MCM10: variants seen among roughly 807,000 people sequenced by gnomAD.
MCM10 encodes the protein protein MCM10 homolog.
A neutral mutation model predicts 109.9 loss-of-function variants in MCM10; 91 were observed. The ratio of observed to expected loss-of-function variants is 0.83; its 90% CI spans 0.70 to 0.99. The LOEUF (loss-of-function observed/expected upper bound fraction) is 0.99, where lower values mean the gene tolerates loss of function less well. Ranked by LOEUF, MCM10 falls within the 50% of genes least tolerant of loss-of-function variation. The pLI is 0.00. For synonymous variants in MCM10, 380 were observed against 387.2 expected, an observed-to-expected ratio of 0.98 and a Z score of 0.22; for missense variants, 1,077 against 1,061.2, an observed-to-expected ratio of 1.01 and a Z score of -0.21.
chr10:13,177,028 T>A (rs72779587), intron 6 of MCM10, among the ~76,000 whole-genome samples: 4,425 of 152,346 alleles, frequency 0.029, 94 homozygotes, highest in Non-Finnish European at 0.05. Context: ...TTGAGGGGGC[T>A]GCAGGCTTCC....
chr10:13,162,384 CTGATT>C (rs917622070), intron 1 of MCM10, among the ~76,000 whole-genome samples: 1 of 152,154 alleles, frequency 6.6e-6, no homozygotes, highest in South Asian at 2.1e-4. Flanking sequence ...CCCCCATGAT[CTGATT>C]TATGTTCCTA....
At chr10:13,161,744 G>A (rs1483335151) in intron 1 of MCM10, 138 bp downstream of exon 1, 1 of 152,626 alleles carries the variant, frequency 6.6e-6, no homozygotes, top group East Asian at 1.9e-4. Context: ...GCGCGATCTG[G>A]ATTTGGCGGC....
At chr10:13,179,186 C>G (rs771401568) in intron 6 of MCM10, among the ~76,000 whole-genome samples, 1 of 152,076 alleles carries the variant, frequency 6.6e-6, no homozygotes, top group South Asian at 2.1e-4. Flanking sequence ...AATTTGGATG[C>G]CCTTTATTTC....
Position 13,175,757 on chromosome 10 carries a change from G to A in MCM10, c.764+76G>A, listed in dbSNP as rs903367138. On this transcript the variant is annotated intron_variant, in intron 6 of 19. Transcript: ENST00000378714. Reference sequence around the variant, plus strand: ...CCTCTCGGAGTCCTTTAGAAGTAGTGTGTTTATACATCAGGATCCACAAAA... The same window carrying A: ...CCTCTCGGAGTCCTTTAGAAGTAGTATGTTTATACATCAGGATCCACAAAA... 7 of 1,016,996 alleles carry A rather than the reference G, an allele frequency of 6.9e-6. No homozygotes were observed. In the African/African-American group the frequency reaches 1.1e-4, roughly 16 times the overall value. 63.0% of individuals were successfully genotyped at this position (1,016,996 alleles called of 1,614,324 possible).
At chr10:13,205,859 C>T (rs113942883) in intron 18 of MCM10, among the ~76,000 whole-genome samples, 1,664 of 152,218 alleles carry the variant, frequency 0.011, 30 homozygotes, top group African/African-American at 0.037. Context: ...CTTTTGGGGG[C>T]AACATCAGAT....
Position 13,172,141 on chromosome 10 carries a change from A to G in MCM10, c.350-235A>G, listed in dbSNP as rs934131552. ...TTTATTTGATATCTCTTAATAGTAAAGATTTATAACTAGTTTGATTATTGG... is the reference window on the plus strand; with the variant it reads ...TTTATTTGATATCTCTTAATAGTAAGGATTTATAACTAGTTTGATTATTGG... On this transcript the variant is annotated intron_variant, in intron 3 of 19. Transcript: ENST00000378714. The surrounding 1 kb of genome is among the most constrained non-coding windows in gnomAD (Gnocchi z 5.2). Among the ~76,000 whole-genome samples, 1 of 152,104 alleles carries G rather than the reference A, an allele frequency of 6.6e-6. No homozygotes were observed. Among genetic ancestry groups the G allele is most frequent in the Admixed American group, 6.6e-5 (1 of 15,262 alleles).
chr10:13,207,357 T>TC (rs1025522328), intron 18 of MCM10, among the ~76,000 whole-genome samples: 7 of 152,334 alleles, frequency 4.6e-5, no homozygotes, highest in East Asian at 1.9e-4. Context: ...ATTTTTTTTT[T>TC]CTCACAATTT....
chr10:13,183,781 C>T (rs1002235322), intron 8 of MCM10, among the ~76,000 whole-genome samples: 7 of 151,888 alleles, frequency 4.6e-5, no homozygotes, highest in Admixed American at 2.6e-4. Flanking sequence ...GTCTCCTGGG[C>T]GTAAGTGATA....
chr10:13,170,688 T>C (rs911494149), intron 2 of MCM10, among the ~76,000 whole-genome samples: 4 of 150,278 alleles, frequency 2.7e-5, no homozygotes, highest in Admixed American at 6.6e-5. Context: ...TTTTGTTTGT[T>C]TGTTTGTTTG....
At chr10:13,202,816 A>T (rs774055118) in intron 17 of MCM10, among the ~76,000 whole-genome samples, 1 of 152,046 alleles carries the variant, frequency 6.6e-6, no homozygotes, top group South Asian at 2.1e-4. Context: ...GCCTAACACA[A>T]TGCACATTTA....
In MCM10 at chr10:13,170,994, A is replaced by G; in HGVS notation, c.80A>G (p.Glu27Gly). Residue 27 changes from glutamate (E) to glycine (G), a missense_variant, in exon 3 of 20, where the codon GAA becomes GGA. Coordinates refer to ENST00000378714, the MANE Select transcript of MCM10 (RefSeq NM_018518.5). ...ENESALDCNS[E>G]ENNFLTRENG... is the part of the protein sequence containing the mutation. ...GAGTCAGCCTTGGATTGTAATTCAG[A>G]AGAAAATAACTTCTTGACGCGGGAA... The G allele has an allele frequency of 6.2e-7, 1 of 1,614,232 alleles. No individual in the cohort carries two copies. Among genetic ancestry groups the G allele is most frequent in the Non-Finnish European group, 8.5e-7 (1 of 1,180,046 alleles).
In MCM10 at chr10:13,195,096, C is replaced by T. The variant is rs757380949; in HGVS notation, c.1801C>T (p.Gln601Ter). 4 of 1,614,076 alleles carry T rather than the reference C, an allele frequency of 2.5e-6. No individual in the cohort carries two copies. In the Admixed American group the frequency reaches 5.0e-5, roughly 20 times the overall value. The change falls in exon 14 of 20, where the codon CAG (glutamine) becomes TAG (stop). Residue 601 changes from glutamine to a stop codon, truncating the protein, a stop_gained. Coordinates refer to ENST00000378714, the MANE Select transcript of MCM10 (RefSeq NM_018518.5). LOFTEE classifies it high-confidence loss of function. ...ESPAVPSSSR[Q>*]PPAQPPRTGS... ...CCCAGCTGTGCCATCTTCATCAAGA[C>T]AGCCCCCTGCTCAGCCTCCACGGAC...
chr10:13,207,723 T>A (rs761515944), intron 18 of MCM10, among the ~76,000 whole-genome samples: 22 of 152,182 alleles, frequency 1.4e-4, no homozygotes, highest in Non-Finnish European at 3.1e-4. Context: ...AAGACATGCC[T>A]TTGCTCTTCC....
At chr10:13,184,613 A>AT (rs1240413426) in intron 8 of MCM10, among the ~76,000 whole-genome samples, 3 of 152,236 alleles carry the variant, frequency 2.0e-5, no homozygotes, top group African/African-American at 4.8e-5. Flanking sequence ...ATGGCAACAA[A>AT]TCTTCCTCTA....
Position 13,170,981 on chromosome 10 carries a change from G to A in MCM10, c.67G>A (p.Asp23Asn), listed in dbSNP as rs761411737. 3.1e-6 allele frequency: 5 copies of A among 1,614,228 alleles called. No individual in the cohort carries two copies. In the South Asian group the frequency reaches 5.5e-5, roughly 18 times the overall value. The change falls in exon 3 of 20, where the codon GAT (aspartate) becomes AAT (asparagine). Residue 23 changes from aspartate to asparagine, a missense_variant. By Grantham distance (23) the Asp-to-Asn change is conservative (BLOSUM62 1). Coordinates refer to ENST00000378714, the MANE Select transcript of MCM10 (RefSeq NM_018518.5). ...GCTGGAAGAAAATGAGTCAGCCTTG[G>A]ATTGTAATTCAGAAGAAAATAACTT... ...ALLEENESAL[D>N]CNSEENNFLT...
At chr10:13,183,360 C>T (rs757282950) in intron 8 of MCM10, among the ~76,000 whole-genome samples, 2 of 151,834 alleles carry the variant, frequency 1.3e-5, no homozygotes, top group African/African-American at 2.4e-5. Context: ...CAGGAGGCTG[C>T]GGTGGGAGGT....
intron 2 of MCM10, among the ~76,000 whole-genome samples, chr10:13,166,814 T>C (rs1415068090): frequency 6.6e-6 from 1 of 151,712 alleles, no homozygotes; most frequent in Non-Finnish European, 1.5e-5. Flanking sequence ...CAGTGCTGAA[T>C]GCTTGTTTGT....
At chr10:13,188,695 G>A (rs554206197) in intron 9 of MCM10, among the ~76,000 whole-genome samples, 186 bp from the exon 10 acceptor site, 95 of 152,284 alleles carry the variant, frequency 6.2e-4, no homozygotes, top group African/African-American at 2.2e-3. Context: ...CAGGGGACTC[G>A]AAGGGAAGAA....
Position 13,209,317 on chromosome 10 carries a change from CT to C in MCM10, c.*9del. The C allele has an allele frequency of 6.2e-7, 1 of 1,610,446 alleles. No individual in the cohort carries two copies. The highest frequency in any genetic ancestry group is 8.5e-7 in the Non-Finnish European group (1 of 1,177,612). ...TCTGAACAGCCTTAAATAACCCGAACTTCAGACATTTTCCCACAGACTTCCT... is the reference window on the plus strand; with the variant it reads ...TCTGAACAGCCTTAAATAACCCGAACTCAGACATTTTCCCACAGACTTCCT... On this transcript the variant is annotated 3_prime_UTR_variant, in exon 20 of 20. Transcript: ENST00000378714.
Sources: allele counts gnomAD v4.1 joint callset (sites outside exome capture counted in the v4.1 genomes callset), GRCh38; gene constraint gnomAD v4.1.1; non-coding constraint Gnocchi (gnomAD v3.1); transcripts MANE v1.5; gene names NCBI Gene and HGNC (gene_info 2026-07-23, HGNC 2026-07-21).